The following AP1M1 variants were observed in gnomAD, a reference collection of about 807,000 sequenced individuals.
AP1M1 encodes adaptor related protein complex 1 subunit mu 1.
Under a neutral mutation model 57.1 loss-of-function variants are expected in AP1M1, and 18 were observed. The ratio of observed to expected loss-of-function variants is 0.32; its 90% CI spans 0.22 to 0.47. AP1M1 has a LOEUF of 0.47. Ranked by LOEUF, AP1M1 falls within the 20% of genes least tolerant of loss-of-function variation. The probability of loss-of-function intolerance (pLI) is 1.00; values close to 1 mark genes in which losing one functional copy is unlikely to be tolerated. For synonymous variants in AP1M1, 241 were observed against 237.9 expected, an observed-to-expected ratio of 1.01 and a Z score of -0.12; for missense variants, 362 against 593.5, an observed-to-expected ratio of 0.61 and a Z score of 4.05.
chr19:16,220,680 T>A (rs974500962), intron 5 of AP1M1, among the ~76,000 whole-genome samples: 35 of 152,292 alleles, frequency 2.3e-4, no homozygotes, highest in African/African-American at 8.4e-4. Context: ...CATGAGCCAC[T>A]GCGCCCAGCC....
At chr19:16,229,644 G>A (rs2091587638) in intron 9 of AP1M1, among the ~76,000 whole-genome samples, 1 of 152,194 alleles carries the variant, frequency 6.6e-6, no homozygotes, top group Non-Finnish European at 1.5e-5. Context: ...TGGAAATGCT[G>A]CAATTCAAGT....
intron 6 of AP1M1, 148 bp downstream of exon 6, chr19:16,226,695 T>G: frequency 9.8e-7 from 1 of 1,016,730 alleles, no homozygotes; most frequent in Non-Finnish European, 1.4e-6. Context: ...GAGACAGCTG[T>G]GTAGAGTATT....
intron 5 of AP1M1, among the ~76,000 whole-genome samples, chr19:16,210,701 A>G (rs1230062600): frequency 6.6e-6 from 1 of 152,034 alleles, no homozygotes; most frequent in Non-Finnish European, 1.5e-5. Context: ...CTGGGATTAC[A>G]GGCACCCACC....
chr19:16,211,946 A>C (rs2091496105), intron 5 of AP1M1, among the ~76,000 whole-genome samples: 1 of 152,200 alleles, frequency 6.6e-6, no homozygotes. Context: ...CCAGGGATAA[A>C]AGCCTTCTTG....
intron 5 of AP1M1, among the ~76,000 whole-genome samples, chr19:16,225,350 A>G (rs2091566628): frequency 6.6e-6 from 1 of 152,216 alleles, no homozygotes; most frequent in Admixed American, 6.5e-5. Context: ...CCTTTGGCCC[A>G]CTTGCTGGTG....
rs531939803 is a variant in AP1M1, at chr19:16,242,577, G to A, written c.*8142G>A. ...ATCCTGTGATATCCTGTTTATACGC[G>A]ATACATCTAAAATGTAAGTACACAA... is the stretch of plus-strand genomic sequence containing the variant. On this transcript the variant is annotated 3_prime_UTR_variant, in exon 12 of 12. Coordinates refer to ENST00000291439, the MANE Select transcript of AP1M1 (RefSeq NM_032493.4). 2.0e-5 allele frequency: 3 copies of A among 152,168 alleles called. No individual in the cohort carries two copies. The highest frequency in any genetic ancestry group is 2.1e-4 in the South Asian group (1 of 4,826). The allele number at this position is 152,168 out of a possible 1,614,324, so 9.4% of individuals were successfully genotyped here. A position where few individuals can be genotyped will look rare whatever the true frequency, so the allele number is the denominator to read the frequency against.
intron 2 of AP1M1, among the ~76,000 whole-genome samples, chr19:16,204,930 G>A (rs58510865): frequency 8.1e-4 from 109 of 134,962 alleles, no homozygotes; most frequent in African/African-American, 2.4e-3. Flanking sequence ...TCCCGGGTTC[G>A]CGCTATTCTC....
At position 16,237,050 on chromosome 19, in the gene AP1M1, T is replaced by C. The variant is rs960859851; in HGVS notation, c.*2615T>C. 42 of 152,244 alleles carry C rather than the reference T, an allele frequency of 2.8e-4. No individual in the cohort carries two copies. The highest frequency in any genetic ancestry group is 9.2e-4 in the African/African-American group (38 of 41,462). The allele number at this position is 152,244 out of a possible 1,614,324, so 9.4% of individuals were successfully genotyped here. A position where few individuals can be genotyped will look rare whatever the true frequency, so the allele number is the denominator to read the frequency against. On this transcript the variant is annotated 3_prime_UTR_variant, in exon 12 of 12. Transcript: ENST00000291439. ...CATCCAACAAGGCAAATAATTTGCA[T>C]GCGGGTTATAACGTCTACAAATCAG...
intron 2 of AP1M1, among the ~76,000 whole-genome samples, chr19:16,205,181 G>A (rs1158031691): frequency 3.3e-5 from 5 of 152,156 alleles, no homozygotes; most frequent in Non-Finnish European, 7.4e-5. Context: ...AGCCGCCCAG[G>A]TATTGGGAGA....
intron 5 of AP1M1, among the ~76,000 whole-genome samples, chr19:16,223,636 C>T (rs1191463043): frequency 6.6e-6 from 1 of 152,166 alleles, no homozygotes; most frequent in East Asian, 1.9e-4. Context: ...TCTTCTGGCC[C>T]CAGAGCCAGG....
rs2091625344 is a variant in AP1M1, at chr19:16,236,477, G to GT, written c.*2045dup. 6.6e-6 allele frequency: 1 copy of GT among 152,244 alleles called. No individual in the cohort carries two copies. The highest frequency in any genetic ancestry group is 1.5e-5 in the Non-Finnish European group (1 of 68,052). The allele number at this position is 152,244 out of a possible 1,614,324, so 9.4% of individuals were successfully genotyped here. A position where few individuals can be genotyped will look rare whatever the true frequency, so the allele number is the denominator to read the frequency against. Reference sequence around the variant, plus strand: ...CGGAGTTGCTCTTGGAAACCACCGGGTTTAGGTTTGGGGGCCAGGTGGCAG... The same window carrying GT: ...CGGAGTTGCTCTTGGAAACCACCGGGTTTTAGGTTTGGGGGCCAGGTGGCAG... On this transcript the variant is annotated 3_prime_UTR_variant, in exon 12 of 12. Transcript: ENST00000291439.
At chr19:16,220,728 G>A (rs2091540452) in intron 5 of AP1M1, among the ~76,000 whole-genome samples, 2 of 152,150 alleles carry the variant, frequency 1.3e-5, no homozygotes, top group Admixed American at 1.3e-4. Flanking sequence ...TTGTAGAGGA[G>A]GTCTACTGGC....
chr19:16,204,894 C>A (rs4808469), intron 2 of AP1M1, among the ~76,000 whole-genome samples: 6 of 149,838 alleles, frequency 4.0e-5, no homozygotes, highest in Admixed American at 6.6e-5. Context: ...GCAGTGGCGC[C>A]ATCTGGGCTC....
At position 16,203,495 on chromosome 19, in the gene AP1M1, A is replaced by G. The variant is rs1306565620; in HGVS notation, c.79A>G (p.Met27Val). 8 of 1,614,044 alleles carry G rather than the reference A, an allele frequency of 5.0e-6. No individual in the cohort carries two copies. The highest frequency in any genetic ancestry group is 6.8e-6 in the Non-Finnish European group (8 of 1,180,036). The change falls in exon 2 of 12, where the codon ATG (methionine) becomes GTG (valine). Residue 27 changes from methionine to valine, a missense_variant. Physicochemically the swap from Met to Val is conservative, Grantham distance 21. This residue lies in a region of AP1M1 where 337 missense variants were observed against 511.1 expected (regional missense o/e 0.66). Transcript: ENST00000291439. The surrounding 1 kb of genome is among the most constrained non-coding windows in gnomAD (Gnocchi z 4.6). ...ICRNYRGDVDMSEVEHFMPIL... is the reference protein window; with the variant it reads ...ICRNYRGDVDVSEVEHFMPIL... ...CCGGAACTACCGTGGCGACGTGGAC[A>G]TGTCAGAGGTGGAGCACTTCATGCC...
rs2091641920 is a variant in AP1M1 at position 16,240,481 on chromosome 19, CGTTT to C, written c.*6050_*6053del. 6.6e-6 allele frequency: 1 copy of C among 152,076 alleles called. No individual in the cohort carries two copies. Among genetic ancestry groups the C allele is most frequent in the South Asian group, 2.1e-4 (1 of 4,828 alleles). The allele number at this position is 152,076 out of a possible 1,614,324, so 9.4% of individuals were successfully genotyped here. ...TGTTTTTCATTTTGACGGAGTTTCG[CGTTT>C]GTTGCCCAGGCTGGAGTGCAATGGC... On this transcript the variant is annotated 3_prime_UTR_variant, in exon 12 of 12. Coordinates refer to ENST00000291439, the MANE Select transcript of AP1M1 (RefSeq NM_032493.4).
At position 16,227,962 on chromosome 19, in the gene AP1M1, G is replaced by A. The variant is rs1042147566; in HGVS notation, c.817-175G>A. 3.9e-5 allele frequency among the ~76,000 whole-genome samples: 6 copies of A among 152,208 alleles called. No individual in the cohort carries two copies. Among genetic ancestry groups the A allele is most frequent in the Non-Finnish European group, 7.3e-5 (5 of 68,036 alleles). ...CCCCAAGGCCTCCCCGGTAGCTCCC[G>A]GCTACCTCGGCCTGTCTGCCCTGGC... On this transcript the variant is annotated intron_variant, in intron 7 of 11. Transcript: ENST00000291439. The surrounding 1 kb of genome is among the most constrained non-coding windows in gnomAD (Gnocchi z 6.2).
rs547268266 is a variant in AP1M1, at chr19:16,238,381, G to A, written c.*3946G>A. 1 of 152,308 alleles carries A rather than the reference G, an allele frequency of 6.6e-6. No individual in the cohort carries two copies. The highest frequency in any genetic ancestry group is 1.9e-4 in the East Asian group (1 of 5,182). 9.4% of individuals were successfully genotyped at this position (152,308 alleles called of 1,614,324 possible). A position where few individuals can be genotyped will look rare whatever the true frequency, so the allele number is the denominator to read the frequency against. On this transcript the variant is annotated 3_prime_UTR_variant, in exon 12 of 12. Transcript: ENST00000291439. ...TCCTTCAATAGGAAAAGGGACCACT[G>A]TAGTCCATTCATGCAAGAGATTACA...
rs184757853 is a variant in AP1M1, at chr19:16,231,113, C to T, written c.1047+2185C>T. Among the ~76,000 whole-genome samples the T allele has an allele frequency of 1.9e-3, 293 of 151,708 alleles. 1 individual carries two copies. The highest frequency in any genetic ancestry group is 6.9e-3 in the African/African-American group (284 of 41,394). On this transcript the variant is annotated intron_variant, in intron 9 of 11. Coordinates refer to ENST00000291439, the MANE Select transcript of AP1M1 (RefSeq NM_032493.4). ...ACCATCCTGGCTAACATGGTGAAAC[C>T]CCGTCTCTACTAAAAATACAAAAAA...
intron 5 of AP1M1, among the ~76,000 whole-genome samples, chr19:16,215,793 CAGGGA>C (rs2091516939): frequency 6.6e-6 from 1 of 152,186 alleles, no homozygotes; most frequent in Admixed American, 6.5e-5. Flanking sequence ...CCATCTCTTT[CAGGGA>C]CACCAATGAG....
Sources: gnomAD v4.1 joint callset for allele counts (sites outside exome capture counted in the v4.1 genomes callset) on GRCh38, gnomAD v4.1.1 for gene constraint, gnomAD v4.1.1 regional missense constraint, Gnocchi (gnomAD v3.1) non-coding constraint, MANE v1.5 for transcripts, NCBI Gene and HGNC (gene_info 2026-07-23, HGNC 2026-07-21) for gene names.